FEV: variants seen among roughly 807,000 people sequenced by gnomAD.
FEV encodes FEV transcription factor, ETS family member, also known as protein FEV.
Under a neutral mutation model 20.5 loss-of-function variants are expected in FEV, and 14 were observed. The observed-to-expected ratio is 0.68, with a 90% CI of 0.45 to 1.07. The LOEUF (loss-of-function observed/expected upper bound fraction) is 1.07. Ranked by LOEUF, FEV falls within the 50% of genes least tolerant of loss-of-function variation. The probability of loss-of-function intolerance (pLI) is 0.00; values close to 1 mark genes in which losing one functional copy is unlikely to be tolerated. For missense variants in FEV, 301 were observed against 345.3 expected (o/e 0.87, Z 1.02); for synonymous variants, 188 against 163.7 (o/e 1.15, Z -1.13).
intron 2 of FEV, among the ~76,000 whole-genome samples, chr2:218,983,035 A>G (rs1324966880): frequency 6.6e-6 from 1 of 152,230 alleles, no homozygotes; most frequent in East Asian, 1.9e-4. Flanking sequence ...TTCCCTGCCT[A>G]CGAAGGTGCC....
intron 2 of FEV, among the ~76,000 whole-genome samples, chr2:218,982,891 GGAAC>G (rs1481257475): frequency 1.3e-5 from 2 of 152,236 alleles, no homozygotes; most frequent in East Asian, 1.9e-4. Context: ...GACAGGAGTA[GGAAC>G]GAACAGTGGC....
Position 218,984,959 on chromosome 2 carries a change from A to C in FEV, c.52+65T>G. 7.0e-7 allele frequency: 1 copy of C among 1,426,730 alleles called. No individual in the cohort carries two copies. Among genetic ancestry groups the C allele is most frequent in the South Asian group, 1.2e-5 (1 of 81,628 alleles). 88.4% of individuals were successfully genotyped at this position (1,426,730 alleles called of 1,614,324 possible). ...CCCTGGACCCCAGCACTCTCTTCCC[A>C]TGCCTGAGCCTAGACTTCCCGCCCC... On this transcript the variant is annotated intron_variant, in intron 1 of 2. Transcript: ENST00000295727. This position sits in a 1 kb window ranked among gnomAD's most constrained non-coding sequence, Gnocchi z 5.0.
Position 218,982,123 on chromosome 2 carries a change from C to G in FEV, c.261G>C (p.Trp87Cys). The change falls in exon 3 of 3, where the codon TGG (tryptophan) becomes TGC (cysteine). Residue 87 changes from tryptophan (W) to cysteine (C), a missense_variant. Transcript: ENST00000295727. ...TGTTGGGCTTGCTCTTGCGCTCGCC[C>G]CACCGCCGCGCCACCTCGTCCGGGT... ...LTDPDEVARRWGERKSKPNMN... is the reference protein window; with the variant it reads ...LTDPDEVARRCGERKSKPNMN... 1 of 1,613,672 alleles carries G rather than the reference C, an allele frequency of 6.2e-7. No individual in the cohort carries two copies. Among genetic ancestry groups the G allele is most frequent in the Non-Finnish European group, 8.5e-7 (1 of 1,179,880 alleles).
At chr2:218,982,535 G>C (rs188577105) in intron 2 of FEV, among the ~76,000 whole-genome samples, 108 of 152,246 alleles carry the variant, frequency 7.1e-4, no homozygotes, top group African/African-American at 2.4e-3. Flanking sequence ...TTGGGGGTTG[G>C]GGGGAAGGGG....
chr2:218,983,469 C>T (rs980374617), intron 2 of FEV, among the ~76,000 whole-genome samples: 1 of 152,194 alleles, frequency 6.6e-6, no homozygotes, highest in African/African-American at 2.4e-5. Context: ...TTCTGGTCCC[C>T]AGAGTTAAGT....
At chr2:218,983,611 C>T (rs1470717291) in intron 2 of FEV, among the ~76,000 whole-genome samples, 1 of 152,100 alleles carries the variant, frequency 6.6e-6, no homozygotes, top group East Asian at 1.9e-4. Context: ...TCGCCAACCT[C>T]GTTTTTGTGG....
intron 2 of FEV, among the ~76,000 whole-genome samples, chr2:218,983,020 C>A (rs1318295128): frequency 6.6e-6 from 1 of 152,204 alleles, no homozygotes; most frequent in South Asian, 2.1e-4. Flanking sequence ...TCGGAACAGG[C>A]GGGATTCCCT....
chr2:218,982,351 C>T (rs1945398549), intron 2 of FEV, 95 bp from the exon 3 acceptor site: 1 of 1,146,668 alleles, frequency 8.7e-7, no homozygotes, highest in Non-Finnish European at 1.2e-6. Flanking sequence ...CGGCAGGAAC[C>T]GGCACTGGGG....
chr2:218,981,648 AG>A lies in FEV; in HGVS notation c.*18del. 1 of 1,284,250 alleles carries A rather than the reference AG, an allele frequency of 7.8e-7. No individual in the cohort carries two copies. The highest frequency in any genetic ancestry group is 9.8e-7 in the Non-Finnish European group (1 of 1,017,974). 79.6% of individuals were successfully genotyped at this position (1,284,250 alleles called of 1,614,324 possible). A position where few individuals can be genotyped will look rare whatever the true frequency, so the allele number is the denominator to read the frequency against. On this transcript the variant is annotated 3_prime_UTR_variant, in exon 3 of 3. Coordinates refer to ENST00000295727, the MANE Select transcript of FEV (RefSeq NM_017521.3). The surrounding 1 kb of genome is among the most constrained non-coding windows in gnomAD (Gnocchi z 4.5). ...ACTCTAGGCGTGCGGGCGAGGCCGC[AG>A]GCACCCGACCGCCCCGTCTAGTGGT...
In FEV at chr2:218,981,441, G is replaced by T. The variant is rs1945383238; in HGVS notation, c.*226C>A. The T allele has an allele frequency of 5.1e-6, 2 of 391,132 alleles. No individual in the cohort carries two copies. The highest frequency in any genetic ancestry group is 4.5e-5 in the Admixed American group (1 of 22,266). The allele number at this position is 391,132 out of a possible 1,614,324, so 24.2% of individuals were successfully genotyped here. A position where few individuals can be genotyped will look rare whatever the true frequency, so the allele number is the denominator to read the frequency against. Reference sequence around the variant, plus strand: ...TAGAAGAAAAAAAGTGAAAGAGGGCGCACATCGCCCTCCTCAGGGGACTGC... The same window carrying T: ...TAGAAGAAAAAAAGTGAAAGAGGGCTCACATCGCCCTCCTCAGGGGACTGC... On this transcript the variant is annotated 3_prime_UTR_variant, in exon 3 of 3. Coordinates refer to ENST00000295727, the MANE Select transcript of FEV (RefSeq NM_017521.3). This position sits in a 1 kb window ranked among gnomAD's most constrained non-coding sequence, Gnocchi z 4.5.
In FEV at chr2:218,984,325, A is replaced by C. The variant is rs1559100106; in HGVS notation, c.53-20T>G. ...CGGGATCTGCAAGCAGCAGAAGAAA[A>C]GAATCAGGAGAACCCCGGGCGGAAG... On this transcript the variant is annotated intron_variant, in intron 1 of 2. Coordinates refer to ENST00000295727, the MANE Select transcript of FEV (RefSeq NM_017521.3). The surrounding 1 kb of genome is among the most constrained non-coding windows in gnomAD (Gnocchi z 5.0). The C allele has an allele frequency of 1.3e-6, 2 of 1,569,728 alleles. No individual in the cohort carries two copies. Among genetic ancestry groups the C allele is most frequent in the Admixed American group, 1.8e-5 (1 of 54,268 alleles).
At chr2:218,982,384 G>T (rs1945398982) in intron 2 of FEV, 128 bp from the exon 3 acceptor site, 5 of 840,530 alleles carry the variant, frequency 5.9e-6, no homozygotes, top group South Asian at 1.8e-5. Flanking sequence ...AAGTCAAACT[G>T]CAGCTGCGTT....
chr2:218,982,373 C>T, intron 2 of FEV, 117 bp from the exon 3 acceptor site: 1 of 913,960 alleles, frequency 1.1e-6, no homozygotes, highest in Middle Eastern at 3.4e-4. Context: ...AGGAAAAGTG[C>T]AAGTCAAACT....
Position 218,981,679 on chromosome 2 carries a change from G to GC in FEV, c.704dup (p.His236ProfsTer18), listed in dbSNP as rs141171754. 2 of 1,338,976 alleles carry GC rather than the reference G, an allele frequency of 1.5e-6. No homozygotes were observed. The highest frequency in any genetic ancestry group is 2.1e-5 in the South Asian group (1 of 47,864). The allele number at this position is 1,338,976 out of a possible 1,614,324, so 82.9% of individuals were successfully genotyped here. ...CCGACCGCCCCGTCTAGTGGTAATG[G>GC]CCCCCCAAGTGCGAGGCTGCGGCCA... On this transcript the variant is annotated frameshift_variant, in exon 3 of 3. Coordinates refer to ENST00000295727, the MANE Select transcript of FEV (RefSeq NM_017521.3). LOFTEE classifies it high-confidence loss of function. This position sits in a 1 kb window ranked among gnomAD's most constrained non-coding sequence, Gnocchi z 4.5.
At chr2:218,982,587 G>A (rs993724843) in intron 2 of FEV, among the ~76,000 whole-genome samples, 1 of 152,336 alleles carries the variant, frequency 6.6e-6, no homozygotes, top group African/African-American at 2.4e-5. Context: ...GCGCACCAAG[G>A]CACTTGGCTT....
In FEV at chr2:218,981,529, CT is replaced by C. The variant is rs1036709552; in HGVS notation, c.*137del. ...TTGAGGGAGCTTCGGTCCCGTCCCC[CT>C]GCTAAGTGCGGCAGGTGGAGTAAAC... On this transcript the variant is annotated 3_prime_UTR_variant, in exon 3 of 3. Coordinates refer to ENST00000295727, the MANE Select transcript of FEV (RefSeq NM_017521.3). The surrounding 1 kb of genome is among the most constrained non-coding windows in gnomAD (Gnocchi z 4.5). 2 of 653,552 alleles carry C rather than the reference CT, an allele frequency of 3.1e-6. No homozygotes were observed. The highest frequency in any genetic ancestry group is 4.3e-6 in the Non-Finnish European group (2 of 460,582). 40.5% of individuals were successfully genotyped at this position (653,552 alleles called of 1,614,324 possible). A position where few individuals can be genotyped will look rare whatever the true frequency, so the allele number is the denominator to read the frequency against.
At chr2:218,983,732 C>T (rs1945411456) in intron 2 of FEV, among the ~76,000 whole-genome samples, 2 of 152,198 alleles carry the variant, frequency 1.3e-5, no homozygotes, top group African/African-American at 4.8e-5. Context: ...CCGTGGAGCG[C>T]TGGTGGTGAA....
Position 218,982,089 on chromosome 2 carries a change from C to T in FEV, c.295G>A (p.Asp99Asn). The T allele has an allele frequency of 6.2e-7, 1 of 1,613,856 alleles. No homozygotes were observed. Among genetic ancestry groups the T allele is most frequent in the Non-Finnish European group, 8.5e-7 (1 of 1,179,878 alleles). Residue 99 changes from aspartate (D) to asparagine (N), a missense_variant, in exon 3 of 3, where the codon GAC becomes AAC. Physicochemically the swap from Asp to Asn is conservative, Grantham distance 23. Transcript: ENST00000295727. ...ERKSKPNMNY[D>N]KLSRALRYYY... ...TAGCGCAGGGCGCGGCTCAGCTTGT[C>T]GTAGTTCATGTTGGGCTTGCTCTTG...
chr2:218,981,925 C>CGCGGCGGCGGCAGCAGCTGCG lies in FEV; in HGVS notation c.438_458dup (p.Ala149_Ala155dup). ...TGTAGAGCGCGCCGTCCTGGGCGGC[C>CGCGGCGGCGGCAGCAGCTGCG]GCGGCGGCGGCAGCAGCTGCGGCGG... On this transcript the variant is annotated inframe_insertion, in exon 3 of 3. Coordinates refer to ENST00000295727, the MANE Select transcript of FEV (RefSeq NM_017521.3). This position sits in a 1 kb window ranked among gnomAD's most constrained non-coding sequence, Gnocchi z 4.5. 1 of 1,316,370 alleles carries CGCGGCGGCGGCAGCAGCTGCG rather than the reference C, an allele frequency of 7.6e-7. No individual in the cohort carries two copies. Among genetic ancestry groups the CGCGGCGGCGGCAGCAGCTGCG allele is most frequent in the Non-Finnish European group, 9.6e-7 (1 of 1,038,992 alleles). The allele number at this position is 1,316,370 out of a possible 1,614,324, so 81.5% of individuals were successfully genotyped here.
Sources: allele counts gnomAD v4.1 joint callset (sites outside exome capture counted in the v4.1 genomes callset), GRCh38; gene constraint gnomAD v4.1.1; non-coding constraint Gnocchi (gnomAD v3.1); transcripts MANE v1.5; gene names NCBI Gene and HGNC (gene_info 2026-07-23, HGNC 2026-07-21).